The following PPM1E variants were observed in gnomAD, a reference collection of about 807,000 sequenced individuals.
PPM1E encodes protein phosphatase, Mg2+/Mn2+ dependent 1E, also known as protein phosphatase 1E.
A neutral mutation model predicts 65.9 loss-of-function variants in PPM1E; 20 were observed. The ratio of observed to expected loss-of-function variants is 0.30; its 90% confidence interval spans 0.21 to 0.44. PPM1E has a LOEUF of 0.44. PPM1E is among the 20% of genes least tolerant of loss of function. The pLI is 1.00. For synonymous variants in PPM1E, 352 were observed against 374.9 expected (o/e 0.94, Z 0.70); for missense variants, 713 against 953.1 (o/e 0.75, Z 3.32).
chr17:58,761,247 G>T (rs1453384420), intron 1 of PPM1E, among the ~76,000 whole-genome samples: 2 of 152,240 alleles, frequency 1.3e-5, no homozygotes, highest in East Asian at 3.9e-4. Context: ...GATACTATGT[G>T]GTTCAAGGGA....
At chr17:58,824,698 C>G (rs1251299259) in intron 1 of PPM1E, among the ~76,000 whole-genome samples, 1 of 151,606 alleles carries the variant, frequency 6.6e-6, no homozygotes, top group Non-Finnish European at 1.5e-5. Flanking sequence ...ACACCATTCT[C>G]TGGCCTCAGG....
At chr17:58,815,139 A>C (rs1481016066) in intron 1 of PPM1E, among the ~76,000 whole-genome samples, 1 of 152,238 alleles carries the variant, frequency 6.6e-6, no homozygotes, top group Non-Finnish European at 1.5e-5. Flanking sequence ...ATCTTTTACC[A>C]GATTAACTTT....
chr17:58,971,712 C>T (rs993250851), intron 4 of PPM1E, among the ~76,000 whole-genome samples: 5 of 152,078 alleles, frequency 3.3e-5, no homozygotes, highest in African/African-American at 1.2e-4. Context: ...TGAACAAATA[C>T]GATGTCAGTA....
chr17:58,826,298 C>T (rs1384695811), intron 1 of PPM1E, among the ~76,000 whole-genome samples: 2 of 102,736 alleles, frequency 1.9e-5, no homozygotes, highest in Admixed American at 1.0e-4. Context: ...GAGACAGACT[C>T]GATCTCAAAA....
intron 1 of PPM1E, among the ~76,000 whole-genome samples, chr17:58,762,059 G>A (rs190271482): frequency 6.6e-6 from 1 of 152,170 alleles, no homozygotes; most frequent in South Asian, 2.1e-4. Flanking sequence ...CAGCTTATGG[G>A]GGTTGACCGT....
intron 1 of PPM1E, among the ~76,000 whole-genome samples, chr17:58,773,326 TGTTTGAAGGG>T (rs773186705): frequency 5.9e-5 from 9 of 152,024 alleles, no homozygotes; most frequent in Admixed American, 2.0e-4. Context: ...AACTTTTCCG[TGTTTGAAGGG>T]GTTTGAAGGG....
intron 1 of PPM1E, among the ~76,000 whole-genome samples, chr17:58,932,725 T>C (rs1306292285): frequency 1.3e-5 from 2 of 151,990 alleles, no homozygotes; most frequent in Admixed American, 6.6e-5. Context: ...CATGCCACGA[T>C]GTTGGAGCTT....
intron 1 of PPM1E, among the ~76,000 whole-genome samples, chr17:58,911,533 G>A (rs2051627329): frequency 6.6e-6 from 1 of 152,036 alleles, no homozygotes; most frequent in Admixed American, 6.6e-5. Flanking sequence ...AGGCTTTTCA[G>A]GTGCATTTAA....
At chr17:58,954,344 T>C (rs1324060019) in intron 1 of PPM1E, among the ~76,000 whole-genome samples, 3 of 152,250 alleles carry the variant, frequency 2.0e-5, no homozygotes, top group East Asian at 1.9e-4. Context: ...TCCTTTGATA[T>C]AGCAGTCAAA....
Position 58,921,488 on chromosome 17 carries a change from A to G in PPM1E, c.465-34161A>G, listed in dbSNP as rs541760378. 2.0e-5 allele frequency among the ~76,000 whole-genome samples: 3 copies of G among 151,758 alleles called. No homozygotes were observed. In the South Asian group the frequency reaches 6.3e-4, roughly 32 times the overall value. The stretch of plus-strand genomic sequence containing the variant: ...CACTTGACCCCAGGAATTTGAGACC[A>G]GGCTAGGCAGCATAGTGAGACTCCA... On this transcript the variant is annotated intron_variant, in intron 1 of 6. Transcript: ENST00000308249.
In PPM1E at chr17:58,897,152, C is replaced by T. The variant is rs911825793; in HGVS notation, c.465-58497C>T. Among the ~76,000 whole-genome samples, 8 of 152,198 alleles carry T rather than the reference C, an allele frequency of 5.3e-5. No homozygotes were observed. The East Asian group carries it at 7.7e-4, about 15-fold the overall frequency. Reference sequence around the variant, plus strand: ...ACTGCCGGCCGGGCGCGGTGGCTCACGCCTGTAATCCCAACACTTTGGGAG... The same window carrying T: ...ACTGCCGGCCGGGCGCGGTGGCTCATGCCTGTAATCCCAACACTTTGGGAG... On this transcript the variant is annotated intron_variant, in intron 1 of 6. Coordinates refer to ENST00000308249, the MANE Select transcript of PPM1E (RefSeq NM_014906.5).
intron 1 of PPM1E, among the ~76,000 whole-genome samples, chr17:58,808,930 C>T (rs1247107750): frequency 6.6e-6 from 1 of 152,016 alleles, no homozygotes; most frequent in African/African-American, 2.4e-5. Flanking sequence ...AGAACAATGA[C>T]TCTCAAACAA....
intron 1 of PPM1E, among the ~76,000 whole-genome samples, chr17:58,762,879 C>G (rs1325609483): frequency 7.5e-6 from 1 of 132,462 alleles, no homozygotes; most frequent in Non-Finnish European, 1.6e-5. Flanking sequence ...GCCTGGGCGA[C>G]AGAGCGAGAC....
chr17:58,929,228 C>T (rs1450206063), intron 1 of PPM1E, among the ~76,000 whole-genome samples: 1 of 151,840 alleles, frequency 6.6e-6, no homozygotes, highest in Non-Finnish European at 1.5e-5. Flanking sequence ...TATATGAATC[C>T]ATTCATACGA....
chr17:58,786,971 A>G (rs1315253418), intron 1 of PPM1E, among the ~76,000 whole-genome samples: 1 of 152,214 alleles, frequency 6.6e-6, no homozygotes, highest in Non-Finnish European at 1.5e-5. Context: ...GAAAACCACT[A>G]GGGGTTAGTT....
intron 1 of PPM1E, among the ~76,000 whole-genome samples, chr17:58,766,642 T>C (rs1472575646): frequency 6.6e-6 from 1 of 151,462 alleles, no homozygotes; most frequent in Non-Finnish European, 1.5e-5. Flanking sequence ...CAGTAAAAAA[T>C]ACTAAAAGGC....
At chr17:58,862,637 A>C (rs2050954458) in intron 1 of PPM1E, among the ~76,000 whole-genome samples, 1 of 152,190 alleles carries the variant, frequency 6.6e-6, no homozygotes, top group South Asian at 2.1e-4. Flanking sequence ...CTTGATTGCT[A>C]TGTAAAGGTT....
At chr17:58,915,839 A>G (rs929784878) in intron 1 of PPM1E, among the ~76,000 whole-genome samples, 1 of 152,234 alleles carries the variant, frequency 6.6e-6, no homozygotes, top group Non-Finnish European at 1.5e-5. Flanking sequence ...GAATTAGTAG[A>G]TAGAAAATTT....
At chr17:58,760,311 C>T (rs1246423604) in intron 1 of PPM1E, among the ~76,000 whole-genome samples, 1 of 152,130 alleles carries the variant, frequency 6.6e-6, no homozygotes, top group Non-Finnish European at 1.5e-5. Flanking sequence ...TCAAAATTTC[C>T]TCAGATTAAA....
Sources: allele counts gnomAD v4.1 joint callset (sites outside exome capture counted in the v4.1 genomes callset), GRCh38; gene constraint gnomAD v4.1.1; transcripts MANE v1.5; gene names NCBI Gene and HGNC (gene_info 2026-07-23, HGNC 2026-07-21).